NOC3L: variants seen among roughly 807,000 people sequenced by gnomAD.
NOC3L encodes nucleolar complex protein 3 homolog.
A neutral mutation model predicts 102.5 loss-of-function variants in NOC3L; 85 were observed. That is an observed-to-expected ratio of 0.83 (90% confidence interval 0.70 to 0.99). The LOEUF is 0.99. Among genes scored for constraint, NOC3L ranks in the 50% least tolerant of loss-of-function variants. The pLI is 0.00. For missense variants in NOC3L, 878 were observed against 914.9 expected, an observed-to-expected ratio of 0.96 and a Z score of 0.52; for synonymous variants, 303 against 309.4, an observed-to-expected ratio of 0.98 and a Z score of 0.22.
chr10:94,338,848 G>T, intron 17 of NOC3L, 112 bp from the exon 18 acceptor site: 2 of 862,258 alleles, frequency 2.3e-6, no homozygotes, highest in Non-Finnish European at 3.3e-6. Context: ...TAAGAGCTTT[G>T]CATAAAGTCT....
At chr10:94,342,207 A>T (rs758424170) in intron 13 of NOC3L, among the ~76,000 whole-genome samples, 2 of 152,128 alleles carry the variant, frequency 1.3e-5, no homozygotes, top group Non-Finnish European at 2.9e-5. Context: ...GCTCTTAATT[A>T]CCTGCGTGAT....
intron 1 of NOC3L, among the ~76,000 whole-genome samples, chr10:94,362,226 CT>C (rs2054559449): frequency 6.6e-6 from 1 of 152,238 alleles, no homozygotes; most frequent in South Asian, 2.1e-4. Flanking sequence ...TTACATTTAT[CT>C]ACGATTTTAT....
At chr10:94,353,132 T>A in intron 6 of NOC3L, 75 bp from the exon 7 acceptor site, 1 of 1,252,098 alleles carries the variant, frequency 8.0e-7, no homozygotes, top group South Asian at 1.4e-5. Context: ...CAGCCCCACA[T>A]CCGGCAAAAC....
intron 8 of NOC3L, among the ~76,000 whole-genome samples, chr10:94,350,865 A>G (rs1326385168): frequency 6.6e-6 from 1 of 152,122 alleles, no homozygotes; most frequent in African/African-American, 2.4e-5. Flanking sequence ...GATATACTCT[A>G]AGTATAAAAT....
intron 19 of NOC3L, among the ~76,000 whole-genome samples, chr10:94,337,202 G>C (rs2054230006): frequency 6.6e-6 from 1 of 152,046 alleles, no homozygotes; most frequent in Non-Finnish European, 1.5e-5. Flanking sequence ...GTAGATGCTG[G>C]AAGTACCCAT....
At chr10:94,326,344 GC>G in the NOC3L span, among the ~76,000 whole-genome samples, 2 of 152,100 alleles carry the variant, frequency 1.3e-5, no homozygotes, top group Non-Finnish European at 2.9e-5. Flanking sequence ...CCAAAAGAAG[GC>G]CCAATACATT....
chr10:94,319,282 T>C, the NOC3L span, among the ~76,000 whole-genome samples: 6 of 152,184 alleles, frequency 3.9e-5, no homozygotes, highest in Admixed American at 3.3e-4. Flanking sequence ...TGTATCTAGG[T>C]TTACCTGGTG....
intron 13 of NOC3L, among the ~76,000 whole-genome samples, chr10:94,342,562 ACACACAC>A (rs2054297873): frequency 6.0e-5 from 9 of 149,822 alleles, no homozygotes; most frequent in African/African-American, 2.2e-4. Context: ...ATACACACAC[ACACACAC>A]ACACACACAC....
At chr10:94,359,474 C>T (rs551816782) in intron 2 of NOC3L, among the ~76,000 whole-genome samples, 137 of 151,946 alleles carry the variant, frequency 9.0e-4, no homozygotes, top group Non-Finnish European at 1.6e-3. Flanking sequence ...AAAAAAGACC[C>T]TAGTAAATCT....
chr10:94,358,262 C>CA (rs768546544), intron 2 of NOC3L, 47 bp from the exon 3 acceptor site: 1 of 1,038,034 alleles, frequency 9.6e-7, no homozygotes, highest in Non-Finnish European at 1.5e-6. Flanking sequence ...AAACAAGTAT[C>CA]AGAGATGTAG....
At chr10:94,357,749 T>C (rs1220567198) in intron 3 of NOC3L, 2 of 264,494 alleles carry the variant, frequency 7.6e-6, no homozygotes, top group Non-Finnish European at 1.4e-5. Flanking sequence ...TCTCTGGAAA[T>C]GGGAATAAGA....
intron 13 of NOC3L, among the ~76,000 whole-genome samples, chr10:94,342,042 G>C (rs938314634): frequency 6.6e-6 from 1 of 152,224 alleles, no homozygotes; most frequent in African/African-American, 2.4e-5. Flanking sequence ...CCTGAGGAAA[G>C]TTTAGGAGGT....
At chr10:94,322,088 TC>T in the NOC3L span, 16 of 1,605,026 alleles carry the variant, frequency 1.0e-5, no homozygotes, top group African/African-American at 2.1e-4. Context: ...CTCACCTGAG[TC>T]CTTTCCTCAG....
the NOC3L span, chr10:94,324,821 T>G: frequency 6.8e-7 from 1 of 1,470,126 alleles, no homozygotes; most frequent in Non-Finnish European, 9.5e-7. Context: ...AGCGCTCTTC[T>G]GAAATAGTGT....
chr10:94,323,976 T>C, the NOC3L span, among the ~76,000 whole-genome samples: 1 of 152,224 alleles, frequency 6.6e-6, no homozygotes, highest in Admixed American at 6.5e-5. Context: ...CAAGATTCTA[T>C]TCCTCACTGG....
intron 8 of NOC3L, 99 bp downstream of exon 8, chr10:94,352,211 A>T: frequency 2.7e-6 from 2 of 743,182 alleles, no homozygotes; most frequent in Non-Finnish European, 4.3e-6. Flanking sequence ...GTTCCTGACC[A>T]TACCTGCCTC....
chr10:94,328,328 T>C (rs555726388), downstream of NOC3L: 22 of 182,746 alleles, frequency 1.2e-4, no homozygotes, highest in African/African-American at 3.2e-4. Context: ...AAAGCAGCCA[T>C]AGACAACACA....
intron 17 of NOC3L, among the ~76,000 whole-genome samples, chr10:94,339,538 A>C (rs2054257897): frequency 6.6e-6 from 1 of 152,234 alleles, no homozygotes; most frequent in Admixed American, 6.5e-5. Flanking sequence ...ATGGATACCC[A>C]CCTAATGACA....
At chr10:94,355,187 A>C in intron 5 of NOC3L, 94 bp from the exon 6 acceptor site, 1 of 1,123,258 alleles carries the variant, frequency 8.9e-7, no homozygotes, top group Non-Finnish European at 1.2e-6. Context: ...TAATAATGAC[A>C]ACAGCTAAGA....
Sources: gnomAD v4.1 joint callset for allele counts (sites outside exome capture counted in the v4.1 genomes callset) on GRCh38, gnomAD v4.1.1 for gene constraint, MANE v1.5 for transcripts, NCBI Gene and HGNC (gene_info 2026-07-23, HGNC 2026-07-21) for gene names.